Variants in UTP6 observed in about 807,000 individuals in gnomAD.
UTP6 encodes the protein U3 small nucleolar RNA-associated protein 6 homolog.
Under a neutral mutation model 96.5 loss-of-function variants are expected in UTP6, and 60 were observed. That is an observed-to-expected ratio of 0.62 (90% CI 0.51 to 0.77). The LOEUF is 0.77. Ranked by LOEUF, UTP6 falls within the 30% of genes least tolerant of loss-of-function variation. The pLI is 0.00. For synonymous variants in UTP6, 215 were observed against 240.1 expected (o/e 0.90, Z 0.96); for missense variants, 637 against 706.5 (o/e 0.90, Z 1.12).
rs561487990 is a variant in UTP6, at chr17:31,892,422, A to G, written c.361-99T>C. ...CTAACTTTACCAACTGTAAAATCCA[A>G]TGGAGCATGACATGCTATTGCTAGG... On this transcript the variant is annotated intron_variant, in intron 5 of 18. Transcript: ENST00000261708. 2.1e-5 allele frequency: 26 copies of G among 1,235,968 alleles called. No homozygotes were observed. In the East Asian group the frequency reaches 3.7e-4, roughly 18 times the overall value. The allele number at this position is 1,235,968 out of a possible 1,614,324, so 76.6% of individuals were successfully genotyped here.
Position 31,868,248 on chromosome 17 carries a change from T to G in UTP6, c.1497-136A>C, listed in dbSNP as rs1012533688. The G allele has an allele frequency of 3.5e-5, 22 of 622,960 alleles. No individual in the cohort carries two copies. The African/African-American group carries it at 4.0e-4, about 11-fold the overall frequency. The allele number at this position is 622,960 out of a possible 1,614,324, so 38.6% of individuals were successfully genotyped here. ...TTGACTTCAAATCAATGCAAGGACT[T>G]GACCTGATGGCCAGTCATTCTCACG... On this transcript the variant is annotated intron_variant, in intron 16 of 18. Coordinates refer to ENST00000261708, the MANE Select transcript of UTP6 (RefSeq NM_018428.3).
intron 17 of UTP6, among the ~76,000 whole-genome samples, chr17:31,865,764 G>A (rs776138228): frequency 6.6e-6 from 1 of 152,140 alleles, no homozygotes; most frequent in African/African-American, 2.4e-5. Context: ...AACAGCGAAG[G>A]TTCTATTCGC....
intron 16 of UTP6, among the ~76,000 whole-genome samples, chr17:31,872,417 T>C (rs1910225752): frequency 6.6e-6 from 1 of 150,978 alleles, no homozygotes; most frequent in Non-Finnish European, 1.5e-5. Flanking sequence ...CTTATAATCC[T>C]AGCACTTTGG....
intron 4 of UTP6, among the ~76,000 whole-genome samples, chr17:31,893,524 G>A (rs1904454094): frequency 6.6e-6 from 1 of 151,316 alleles, no homozygotes; most frequent in Admixed American, 6.6e-5. Context: ...CTGAGGTCAG[G>A]AGTTTGAGAC....
chr17:31,889,214 GAA>G, intron 7 of UTP6, 69 bp downstream of exon 7: 1 of 1,194,810 alleles, frequency 8.4e-7, no homozygotes, highest in South Asian at 1.6e-5. Context: ...TTGAATCCAG[GAA>G]AAAAAAATAT....
At chr17:31,881,107 C>A (rs1910808298) in intron 10 of UTP6, among the ~76,000 whole-genome samples, 1 of 151,398 alleles carries the variant, frequency 6.6e-6, no homozygotes, top group African/African-American at 2.4e-5. Context: ...ACCCAGGAGG[C>A]AGAAGTTGCA....
At chr17:31,884,583 G>T in intron 9 of UTP6, 78 bp from the exon 10 acceptor site, 2 of 1,096,886 alleles carry the variant, frequency 1.8e-6, no homozygotes, top group Non-Finnish European at 1.3e-6. Flanking sequence ...TTCTTTTCAT[G>T]TACTGGAGTT....
At position 31,880,644 on chromosome 17, in the gene UTP6, G is replaced by A. The variant is rs777017028; in HGVS notation, c.896C>T (p.Ala299Val). 14 of 1,614,098 alleles carry A rather than the reference G, an allele frequency of 8.7e-6. 1 individual carries two copies. The East Asian group carries it at 2.7e-4, about 31-fold the overall frequency. The change falls in exon 11 of 19, where the codon GCA (alanine) becomes GTA (valine). Residue 299 changes from alanine to valine, a missense_variant. Ala to Val is a moderately conservative substitution (Grantham distance 64). Transcript: ENST00000261708. ...EEQPTTKQAK[A>V]VEVGRKEERC... ...CTCCTCCTTCCGGCCGACCTCCACT[G>A]CTTTGGCTTGTTTCGTTGTAGGCTG...
intron 6 of UTP6, among the ~76,000 whole-genome samples, chr17:31,891,804 C>T (rs1904335708): frequency 6.6e-6 from 1 of 152,148 alleles, no homozygotes; most frequent in Non-Finnish European, 1.5e-5. Flanking sequence ...GGGTGGATCA[C>T]GAGGTCAGGG....
At chr17:31,874,559 A>AAAC (rs10643327) in intron 14 of UTP6, among the ~76,000 whole-genome samples, 125,005 of 151,726 alleles carry the variant, frequency 0.82, 51,642 homozygotes, top group East Asian at 0.87. Flanking sequence ...AAAAAGGAAA[A>AAAC]ACCACCAAAT....
At chr17:31,868,559 G>A (rs994416848) in intron 16 of UTP6, among the ~76,000 whole-genome samples, 3 of 151,550 alleles carry the variant, frequency 2.0e-5, no homozygotes, top group Non-Finnish European at 2.9e-5. Context: ...TCAAACTCCC[G>A]GGCTCAAGCA....
chr17:31,871,338 G>A (rs960143929), intron 16 of UTP6, among the ~76,000 whole-genome samples: 9 of 151,970 alleles, frequency 5.9e-5, no homozygotes, highest in East Asian at 5.8e-4. Flanking sequence ...GCCCACGCTC[G>A]TCTCAAATGC....
intron 16 of UTP6, 58 bp from the exon 17 acceptor site, chr17:31,868,170 A>G (rs751466512): frequency 5.4e-6 from 8 of 1,472,846 alleles, no homozygotes; most frequent in East Asian, 4.6e-5. Context: ...CTTACATCTC[A>G]TAACTGTAAA....
At position 31,868,096 on chromosome 17, in the gene UTP6, G is replaced by A; in HGVS notation, c.1513C>T (p.Pro505Ser). ...AVFKSLQESR[P>S]FSVDFFRKMI... ...TTCCTGAAAAAGTCAACTGAAAATG[G>A]TCGGCTCTCCTGTAAACTAAAAAGG... The change falls in exon 17 of 19, where the codon CCA becomes TCA. Residue 505 changes from proline to serine, a missense_variant. Physicochemically the swap from Pro to Ser is moderately conservative, Grantham distance 74. Coordinates refer to ENST00000261708, the MANE Select transcript of UTP6 (RefSeq NM_018428.3). The A allele has an allele frequency of 1.9e-6, 3 of 1,613,198 alleles. No homozygotes were observed. Among genetic ancestry groups the A allele is most frequent in the Non-Finnish European group, 2.5e-6 (3 of 1,179,514 alleles).
intron 4 of UTP6, among the ~76,000 whole-genome samples, chr17:31,894,268 C>CA (rs1179270340): frequency 0.014 from 881 of 62,540 alleles, 8 homozygotes; most frequent in African/African-American, 0.031. Context: ...GACCTTATCT[C>CA]AAAAAAAAAA....
chr17:31,873,418 G>C lies in UTP6; in HGVS notation c.1456C>G (p.Arg486Gly), dbSNP rs773706341. ...LKNKYLDWAY[R>G]SGGYKKARAV... ...CTGGCCTTTTTGTAGCCACCACTTC[G>C]ATAAGCCCAATCCAGGTACTTATTC... is the stretch of plus-strand genomic sequence containing the variant. The change falls in exon 16 of 19, where the codon CGA becomes GGA. Residue 486 changes from arginine to glycine, a missense_variant. Coordinates refer to ENST00000261708, the MANE Select transcript of UTP6 (RefSeq NM_018428.3). The C allele has an allele frequency of 6.2e-7, 1 of 1,614,106 alleles. No individual in the cohort carries two copies. Among genetic ancestry groups the C allele is most frequent in the East Asian group, 2.2e-5 (1 of 44,880 alleles).
chr17:31,901,371 C>T (rs1040539719), intron 1 of UTP6, 165 bp downstream of exon 1: 24 of 649,012 alleles, frequency 3.7e-5, no homozygotes, highest in South Asian at 2.4e-4. Context: ...TACCTTGCAA[C>T]GAATGAAAAA....
At chr17:31,892,606 T>G in intron 5 of UTP6, 141 bp downstream of exon 5, 1 of 910,742 alleles carries the variant, frequency 1.1e-6, no homozygotes, top group African/African-American at 1.7e-5. Context: ...AGATATCCAA[T>G]GTTATATTGA....
intron 10 of UTP6, among the ~76,000 whole-genome samples, chr17:31,882,408 C>A (rs1336411849): frequency 6.6e-6 from 1 of 151,602 alleles, no homozygotes; most frequent in African/African-American, 2.4e-5. Context: ...GCAACCTCCA[C>A]CTTCCAGGTT....
Sources: allele counts gnomAD v4.1 joint callset (sites outside exome capture counted in the v4.1 genomes callset), GRCh38; gene constraint gnomAD v4.1.1; transcripts MANE v1.5; gene names NCBI Gene and HGNC (gene_info 2026-07-23, HGNC 2026-07-21).